Variants in P3H2 observed in about 807,000 individuals in gnomAD.
P3H2 encodes the protein leprecan-like 1.
Under a neutral mutation model 87.0 loss-of-function variants are expected in P3H2, and 80 were observed. That is an observed-to-expected ratio of 0.92 (90% CI 0.77 to 1.11). The LOEUF is 1.11. Ranked by LOEUF, P3H2 falls within the 50% of genes least tolerant of loss-of-function variation. P3H2 has a pLI of 0.00. For synonymous variants in P3H2, 367 were observed against 359.3 expected (o/e 1.02, Z -0.24); for missense variants, 1,001 against 923.9 (o/e 1.08, Z -1.08).
In P3H2 at chr3:190,099,738, T is replaced by A. The variant is rs904992912; in HGVS notation, c.480+20514A>T. On this transcript the variant is annotated intron_variant, in intron 1 of 14. Transcript: ENST00000319332. ...ATGGTATTAACAATATATATCTTGA[T>A]CTTTTTTAGCATTATGGAAAATAAG... Among the ~76,000 whole-genome samples, 5 of 152,368 alleles carry A rather than the reference T, an allele frequency of 3.3e-5. No individual in the cohort carries two copies. In the Middle Eastern group the frequency reaches 0.01, roughly 311 times the overall value.
chr3:190,048,253 T>C (rs1285240901), intron 1 of P3H2, among the ~76,000 whole-genome samples: 2 of 152,204 alleles, frequency 1.3e-5, no homozygotes, highest in African/African-American at 4.8e-5. Flanking sequence ...CCCAGCACTT[T>C]GGGAGGCTGA....
intron 6 of P3H2, among the ~76,000 whole-genome samples, chr3:189,986,310 T>C (rs1291557521): frequency 6.6e-6 from 1 of 152,104 alleles, no homozygotes; most frequent in Non-Finnish European, 1.5e-5. Context: ...GATGGCCGGG[T>C]GCGGCGGCTC....
intron 1 of P3H2, among the ~76,000 whole-genome samples, chr3:190,047,906 T>C (rs1350728860): frequency 1.3e-5 from 2 of 152,204 alleles, no homozygotes; most frequent in East Asian, 3.8e-4. Context: ...TTATAATCTA[T>C]TGCAAAATAG....
chr3:189,998,555 A>G (rs780080232), intron 1 of P3H2, among the ~76,000 whole-genome samples: 1 of 152,158 alleles, frequency 6.6e-6, no homozygotes, highest in Non-Finnish European at 1.5e-5. Context: ...TCTGTACCTT[A>G]TATATGCATC....
intron 1 of P3H2, among the ~76,000 whole-genome samples, chr3:190,074,447 G>A (rs918891380): frequency 1.3e-5 from 2 of 152,060 alleles, no homozygotes; most frequent in Non-Finnish European, 2.9e-5. Flanking sequence ...GGAGGCGGAG[G>A]TTGTAGTGAG....
At chr3:190,014,910 G>C (rs770073262) in intron 1 of P3H2, among the ~76,000 whole-genome samples, 4 of 152,150 alleles carry the variant, frequency 2.6e-5, no homozygotes, top group Admixed American at 6.5e-5. Context: ...TCTAGTTTTG[G>C]CTCTGCTGGC....
intron 1 of P3H2, among the ~76,000 whole-genome samples, chr3:190,016,070 CTT>C (rs980877305): frequency 2.6e-5 from 4 of 152,170 alleles, no homozygotes; most frequent in African/African-American, 9.7e-5. Context: ...TGTTTTGCCT[CTT>C]TATTATCTGT....
intron 1 of P3H2, among the ~76,000 whole-genome samples, chr3:190,033,116 C>T (rs137922841): frequency 1.3e-5 from 2 of 152,256 alleles, no homozygotes; most frequent in East Asian, 3.9e-4. Flanking sequence ...AGCGCTCGCG[C>T]TCCTAAGAGA....
intron 1 of P3H2, among the ~76,000 whole-genome samples, chr3:190,115,999 C>T (rs1375904070): frequency 6.6e-6 from 1 of 152,112 alleles, no homozygotes; most frequent in Non-Finnish European, 1.5e-5. Flanking sequence ...TTAGGAGATA[C>T]AAGAATCACT....
At chr3:190,108,477 T>A (rs1711936781) in intron 1 of P3H2, among the ~76,000 whole-genome samples, 1 of 152,232 alleles carries the variant, frequency 6.6e-6, no homozygotes, top group South Asian at 2.1e-4. Flanking sequence ...TTTAGCCATA[T>A]TTAAGATGAC....
At chr3:189,992,841 C>G (rs554357965) in intron 3 of P3H2, among the ~76,000 whole-genome samples, 2 of 152,254 alleles carry the variant, frequency 1.3e-5, no homozygotes, top group South Asian at 4.1e-4. Context: ...AAGTAAATTA[C>G]TATGAACAAT....
intron 8 of P3H2, among the ~76,000 whole-genome samples, chr3:189,981,093 T>G (rs1279618761): frequency 6.6e-6 from 1 of 152,264 alleles, no homozygotes; most frequent in East Asian, 1.9e-4. Context: ...CCTTGCCCTA[T>G]GTACCTCTTC....
At chr3:190,107,195 T>C (rs1190765129) in intron 1 of P3H2, among the ~76,000 whole-genome samples, 1 of 152,180 alleles carries the variant, frequency 6.6e-6, no homozygotes, top group Non-Finnish European at 1.5e-5. Flanking sequence ...ACACAAAACA[T>C]TTTTCGTTAT....
chr3:190,047,198 A>G (rs1437312737), intron 1 of P3H2, among the ~76,000 whole-genome samples: 1 of 152,226 alleles, frequency 6.6e-6, no homozygotes, highest in Non-Finnish European at 1.5e-5. Flanking sequence ...GTGAGATATC[A>G]TCTCACCCCA....
At chr3:190,027,496 A>G (rs948976041) in intron 1 of P3H2, among the ~76,000 whole-genome samples, 1 of 152,160 alleles carries the variant, frequency 6.6e-6, no homozygotes, top group African/African-American at 2.4e-5. Flanking sequence ...TTATAATGAA[A>G]CATCAGGTTA....
At chr3:190,118,610 TAGTCC>T (rs1054802735) in intron 1 of P3H2, among the ~76,000 whole-genome samples, 8 of 151,904 alleles carry the variant, frequency 5.3e-5, no homozygotes, top group African/African-American at 1.9e-4. Flanking sequence ...CCCAAGATAC[TAGTCC>T]AGTGAACTCC....
At chr3:190,067,328 A>T (rs948945563) in intron 1 of P3H2, among the ~76,000 whole-genome samples, 1 of 152,162 alleles carries the variant, frequency 6.6e-6, no homozygotes, top group African/African-American at 2.4e-5. Flanking sequence ...AATATGAATT[A>T]TCAAGCAGTC....
intron 14 of P3H2, among the ~76,000 whole-genome samples, chr3:189,960,941 ATC>A: frequency 7.2e-6 from 1 of 139,130 alleles, no homozygotes; most frequent in East Asian, 2.3e-4. Context: ...AAGGAAAACA[ATC>A]TTTTTTTTTT....
intron 1 of P3H2, among the ~76,000 whole-genome samples, chr3:190,074,841 G>A (rs1262209009): frequency 6.6e-6 from 1 of 152,196 alleles, no homozygotes; most frequent in Non-Finnish European, 1.5e-5. Context: ...AGAAAGACCT[G>A]AAAGCACGAG....
Sources: allele counts gnomAD v4.1 joint callset (sites outside exome capture counted in the v4.1 genomes callset), GRCh38; gene constraint gnomAD v4.1.1; transcripts MANE v1.5; gene names NCBI Gene and HGNC (gene_info 2026-07-23, HGNC 2026-07-21).